YIPF4: variants seen among roughly 807,000 people sequenced by gnomAD.
YIPF4 encodes Yip1 domain family member 4, also known as protein YIPF4.
Under a neutral mutation model 29.4 loss-of-function variants are expected in YIPF4, and 18 were observed. The observed-to-expected ratio is 0.61, with a 90% confidence interval of 0.42 to 0.91. YIPF4 has a LOEUF of 0.91. Ranked by LOEUF, YIPF4 falls within the 40% of genes least tolerant of loss-of-function variation. The pLI is 0.00. For missense variants in YIPF4, 279 were observed against 282.7 expected (o/e 0.99, Z 0.09); for synonymous variants, 115 against 104.7 (o/e 1.10, Z -0.60).
intron 3 of YIPF4, among the ~76,000 whole-genome samples, chr2:32,293,488 T>C (rs143949361): frequency 0.079 from 12,103 of 152,294 alleles, 581 homozygotes; most frequent in Middle Eastern, 0.13. Flanking sequence ...CCATGTCTAC[T>C]TCTTTCCACA....
rs1165079343 is a variant in YIPF4 at position 32,315,031 on chromosome 2, A to G, written c.*9405A>G. On this transcript the variant is annotated 3_prime_UTR_variant, in exon 6 of 6. Coordinates refer to ENST00000238831, the MANE Select transcript of YIPF4 (RefSeq NM_032312.4). ...TTTTTCACGTAATAAATCCAAGGTT[A>G]CATAATCCATAACTGATATGGCAGT... 2.0e-5 allele frequency: 3 copies of G among 152,246 alleles called. No individual in the cohort carries two copies. The highest frequency in any genetic ancestry group is 4.4e-5 in the Non-Finnish European group (3 of 68,040). The allele number at this position is 152,246 out of a possible 1,614,324, so 9.4% of individuals were successfully genotyped here.
intron 1 of YIPF4, among the ~76,000 whole-genome samples, chr2:32,280,545 A>AT (rs547482934): frequency 6.4e-4 from 93 of 145,984 alleles, no homozygotes; most frequent in East Asian, 1.4e-3. Flanking sequence ...CGCGCGGCTA[A>AT]TTTTTTTTTT....
At chr2:32,300,476 A>G (rs762345473) in intron 4 of YIPF4, among the ~76,000 whole-genome samples, 29 of 149,786 alleles carry the variant, frequency 1.9e-4, no homozygotes, top group Non-Finnish European at 2.2e-4. Context: ...TATCCCTTCT[A>G]TTTTCAGTTT....
rs1021636697 is a variant in YIPF4, at chr2:32,314,129, A to G, written c.*8503A>G. On this transcript the variant is annotated 3_prime_UTR_variant, in exon 6 of 6. Coordinates refer to ENST00000238831, the MANE Select transcript of YIPF4 (RefSeq NM_032312.4). ...ACAGTTAACATTATTCAAATAGCCA[A>G]AAACGGGAACATGTCCATCAACACA... is the stretch of plus-strand genomic sequence containing the variant. The G allele has an allele frequency of 7.2e-5, 11 of 152,278 alleles. No homozygotes were observed. The highest frequency in any genetic ancestry group is 2.7e-4 in the African/African-American group (11 of 41,480). The allele number at this position is 152,278 out of a possible 1,614,324, so 9.4% of individuals were successfully genotyped here. A position where few individuals can be genotyped will look rare whatever the true frequency, so the allele number is the denominator to read the frequency against.
rs375744563 is a variant in YIPF4, at chr2:32,292,158, T to A, written c.234-19T>A. On this transcript the variant is annotated intron_variant, in intron 2 of 5. Coordinates refer to ENST00000238831, the MANE Select transcript of YIPF4 (RefSeq NM_032312.4). ...TCAGAAATGTGTGCCTTTTGAGAAT[T>A]TTTATTTTAAAATTATAGGGAAGAA... 1.3e-5 allele frequency: 18 copies of A among 1,412,084 alleles called. No homozygotes were observed. In the African/African-American group the frequency reaches 2.7e-4, roughly 21 times the overall value. 87.5% of individuals were successfully genotyped at this position (1,412,084 alleles called of 1,614,324 possible).
At chr2:32,283,325 T>A (rs2030518142) in intron 1 of YIPF4, among the ~76,000 whole-genome samples, 1 of 152,212 alleles carries the variant, frequency 6.6e-6, no homozygotes, top group Admixed American at 6.6e-5. Flanking sequence ...CTTTTTATAG[T>A]GTTTTTTAAC....
Position 32,305,641 on chromosome 2 carries a change from G to A in YIPF4, c.*15G>A. Reference sequence around the variant, plus strand: ...CTGGTGTGTGATCCAAGTTATACATGAATAGAAAAAGATGGTGTTAAATTT... The same window carrying A: ...CTGGTGTGTGATCCAAGTTATACATAAATAGAAAAAGATGGTGTTAAATTT... On this transcript the variant is annotated 3_prime_UTR_variant, in exon 6 of 6. Coordinates refer to ENST00000238831, the MANE Select transcript of YIPF4 (RefSeq NM_032312.4). 6.5e-7 allele frequency: 1 copy of A among 1,546,978 alleles called. No homozygotes were observed. The highest frequency in any genetic ancestry group is 2.0e-5 in the Admixed American group (1 of 50,662).
chr2:32,305,717 G>A lies in YIPF4; in HGVS notation c.*91G>A, dbSNP rs2031559004. ...AAGGAATTGGAGAAAACCTGTTGCT[G>A]CAAAATTTTACATGTTCCAGATGGA... On this transcript the variant is annotated 3_prime_UTR_variant, in exon 6 of 6. Coordinates refer to ENST00000238831, the MANE Select transcript of YIPF4 (RefSeq NM_032312.4). 2 of 1,310,762 alleles carry A rather than the reference G, an allele frequency of 1.5e-6. No individual in the cohort carries two copies. Among genetic ancestry groups the A allele is most frequent in the Admixed American group, 3.4e-5 (1 of 29,128 alleles). 81.2% of individuals were successfully genotyped at this position (1,310,762 alleles called of 1,614,324 possible).
Position 32,307,295 on chromosome 2 carries a change from A to G in YIPF4, c.*1669A>G. On this transcript the variant is annotated 3_prime_UTR_variant, in exon 6 of 6. Transcript: ENST00000238831. ...TAGTGTTGACCCTGGAATCTTTCAC[A>G]GAAAGCTTGGGGGTCAGGACCAGGA... is the stretch of plus-strand genomic sequence containing the variant. 1 of 394,736 alleles carries G rather than the reference A, an allele frequency of 2.5e-6. No homozygotes were observed. Among genetic ancestry groups the G allele is most frequent in the Non-Finnish European group, 3.8e-6 (1 of 263,984 alleles). The allele number at this position is 394,736 out of a possible 1,614,324, so 24.5% of individuals were successfully genotyped here.
chr2:32,279,063 G>T (rs1359107922), intron 1 of YIPF4, among the ~76,000 whole-genome samples: 1 of 151,826 alleles, frequency 6.6e-6, no homozygotes, highest in Non-Finnish European at 1.5e-5. Flanking sequence ...CGCCTCCCGG[G>T]TTCACGCCAT....
rs1018230250 is a variant in YIPF4, at chr2:32,278,103, T to A, written c.-53T>A. On this transcript the variant is annotated 5_prime_UTR_variant, in exon 1 of 6. Coordinates refer to ENST00000238831, the MANE Select transcript of YIPF4 (RefSeq NM_032312.4). ...GGTCGCCGCCGCGGCCGCCTCGGGG[T>A]CTGGGCCCAGCCGCAGCCTCTTCTA... 1 of 1,501,174 alleles carries A rather than the reference T, an allele frequency of 6.7e-7. No homozygotes were observed. Among genetic ancestry groups the A allele is most frequent in the Non-Finnish European group, 9.0e-7 (1 of 1,115,852 alleles). 93.0% of individuals were successfully genotyped at this position (1,501,174 alleles called of 1,614,324 possible). A position where few individuals can be genotyped will look rare whatever the true frequency, so the allele number is the denominator to read the frequency against.
At chr2:32,293,903 C>A (rs1361708915) in intron 3 of YIPF4, among the ~76,000 whole-genome samples, 116 of 143,536 alleles carry the variant, frequency 8.1e-4, no homozygotes, top group African/African-American at 2.9e-3. Flanking sequence ...TGACCCCCCC[C>A]ACCTCCCTCC....
At chr2:32,299,303 A>C (rs954962747) in intron 4 of YIPF4, among the ~76,000 whole-genome samples, 1 of 152,236 alleles carries the variant, frequency 6.6e-6, no homozygotes, top group African/African-American at 2.4e-5. Context: ...CCAAAACAAA[A>C]GAGTTAGAAG....
rs58882814 is a variant in YIPF4, at chr2:32,281,894, C to CAA, written c.79+3680_79+3681dup. Among the ~76,000 whole-genome samples the CAA allele has an allele frequency of 3.2e-3, 171 of 53,296 alleles. 4 individuals carry two copies. The highest frequency in any genetic ancestry group is 0.011 in the Middle Eastern group (1 of 94). 35.0% of individuals were successfully genotyped at this position (53,296 alleles called of 152,430 possible). A position where few individuals can be genotyped will look rare whatever the true frequency, so the allele number is the denominator to read the frequency against. ...TGGGTGACAGGGTGAGACTCTGTCT[C>CAA]AAAAAAAAAAAAAAAAAAAAAGGCA... On this transcript the variant is annotated intron_variant, in intron 1 of 5. Coordinates refer to ENST00000238831, the MANE Select transcript of YIPF4 (RefSeq NM_032312.4).
chr2:32,304,135 T>C (rs538252072), intron 5 of YIPF4, among the ~76,000 whole-genome samples: 143 of 152,348 alleles, frequency 9.4e-4, no homozygotes, highest in African/African-American at 3.0e-3. Context: ...TTTTTCCTGA[T>C]CATTTAATCT....
intron 1 of YIPF4, among the ~76,000 whole-genome samples, chr2:32,280,240 G>A (rs113021069): frequency 0.038 from 5,780 of 150,714 alleles, 236 homozygotes; most frequent in African/African-American, 0.1. Flanking sequence ...CTATTCTCCT[G>A]CCTCAGCCTC....
In YIPF4 at chr2:32,308,079, AAAT is replaced by A. The variant is rs1372936478; in HGVS notation, c.*2457_*2459del. ...TTTTCTGAGTCATAACTAATTTTTTAAATAATGATTTCCAATCTAATTATTAAT... is the reference window on the plus strand; with the variant it reads ...TTTTCTGAGTCATAACTAATTTTTTAAATGATTTCCAATCTAATTATTAAT... On this transcript the variant is annotated 3_prime_UTR_variant, in exon 6 of 6. Transcript: ENST00000238831. The A allele has an allele frequency of 6.6e-6, 1 of 151,894 alleles. No individual in the cohort carries two copies. Among genetic ancestry groups the A allele is most frequent in the African/African-American group, 2.4e-5 (1 of 41,384 alleles). 9.4% of individuals were successfully genotyped at this position (151,894 alleles called of 1,614,324 possible).
intron 5 of YIPF4, among the ~76,000 whole-genome samples, chr2:32,305,248 C>T (rs756540321): frequency 6.6e-6 from 1 of 152,106 alleles, no homozygotes; most frequent in Non-Finnish European, 1.5e-5. Context: ...TTTTAATAGG[C>T]ACCCCAAGTG....
chr2:32,301,261 A>C lies in YIPF4; in HGVS notation c.484-121A>C. The C allele has an allele frequency of 4.6e-6, 3 of 656,078 alleles. No homozygotes were observed. The South Asian group carries it at 6.0e-5, about 13-fold the overall frequency. 40.6% of individuals were successfully genotyped at this position (656,078 alleles called of 1,614,324 possible). Reference sequence around the variant, plus strand: ...TTTGAAATAATGAGTATAATAGTTTATGATTTCTTCTTAATGCTCACATTT... The same window carrying C: ...TTTGAAATAATGAGTATAATAGTTTCTGATTTCTTCTTAATGCTCACATTT... On this transcript the variant is annotated intron_variant, in intron 4 of 5. Coordinates refer to ENST00000238831, the MANE Select transcript of YIPF4 (RefSeq NM_032312.4).
Sources: allele counts gnomAD v4.1 joint callset (sites outside exome capture counted in the v4.1 genomes callset), GRCh38; gene constraint gnomAD v4.1.1; transcripts MANE v1.5; gene names NCBI Gene and HGNC (gene_info 2026-07-23, HGNC 2026-07-21).